The following SLC14A2 variants were observed in gnomAD, a reference collection of about 807,000 sequenced individuals.
SLC14A2 encodes the protein urea transporter 2.
A neutral mutation model predicts 104.6 loss-of-function variants in SLC14A2; 91 were observed. The observed-to-expected ratio is 0.87, with a 90% CI of 0.73 to 1.04. The LOEUF (loss-of-function observed/expected upper bound fraction) is 1.04. Among genes scored for constraint, SLC14A2 ranks in the 50% least tolerant of loss-of-function variants. The pLI is 0.00. For synonymous variants in SLC14A2, 476 were observed against 466.4 expected (o/e 1.02, Z -0.27); for missense variants, 1,189 against 1,156.0 (o/e 1.03, Z -0.41).
intron 1 of SLC14A2, among the ~76,000 whole-genome samples, chr18:45,459,068 T>A (rs144336588): frequency 1.0e-3 from 158 of 152,238 alleles, no homozygotes; most frequent in African/African-American, 3.7e-3. Context: ...GATCCCTGAG[T>A]TTGTCAGTGC....
At chr18:45,544,769 ATATT>A (rs2043944356) in intron 2 of SLC14A2, among the ~76,000 whole-genome samples, 2 of 147,710 alleles carry the variant, frequency 1.4e-5, no homozygotes, top group Admixed American at 6.8e-5. Flanking sequence ...GATTATATAT[ATATT>A]TATCAATAAT....
chr18:45,640,309 G>A (rs1297400284), intron 7 of SLC14A2, among the ~76,000 whole-genome samples: 1 of 151,998 alleles, frequency 6.6e-6, no homozygotes, highest in African/African-American at 2.4e-5. Context: ...AGAGATGCAA[G>A]GGGGTAAGAA....
intron 1 of SLC14A2, among the ~76,000 whole-genome samples, chr18:45,379,081 C>G (rs965536208): frequency 1.3e-5 from 2 of 152,162 alleles, no homozygotes; most frequent in Admixed American, 6.5e-5. Flanking sequence ...TTTACCCAAA[C>G]CCGAACAGTG....
At chr18:45,326,192 A>C (rs1170226719) in intron 1 of SLC14A2, among the ~76,000 whole-genome samples, 1 of 152,228 alleles carries the variant, frequency 6.6e-6, no homozygotes, top group Non-Finnish European at 1.5e-5. Context: ...AGCCAGAAGA[A>C]AAACAGTAAG....
At chr18:45,499,542 G>A (rs544340806) in intron 2 of SLC14A2, among the ~76,000 whole-genome samples, 1 of 152,294 alleles carries the variant, frequency 6.6e-6, no homozygotes, top group South Asian at 2.1e-4. Context: ...ATAAAAATGG[G>A]TATTATAATT....
At chr18:45,514,620 G>A (rs527892035) in intron 2 of SLC14A2, among the ~76,000 whole-genome samples, 2 of 152,276 alleles carry the variant, frequency 1.3e-5, no homozygotes, top group Admixed American at 6.5e-5. Flanking sequence ...GCATCCTAAC[G>A]TAGACCTGAC....
intron 1 of SLC14A2, among the ~76,000 whole-genome samples, chr18:45,246,807 G>A (rs996207728): frequency 3.9e-5 from 6 of 152,168 alleles, no homozygotes; most frequent in East Asian, 3.9e-4. Flanking sequence ...TCAGGAGTTC[G>A]AGACCAGCCT....
intron 1 of SLC14A2, among the ~76,000 whole-genome samples, chr18:45,249,496 CAGAG>C (rs975961495): frequency 6.6e-6 from 1 of 152,086 alleles, no homozygotes; most frequent in Admixed American, 6.6e-5. Flanking sequence ...TAACTGATCT[CAGAG>C]AGGTTGAGTA....
intron 2 of SLC14A2, among the ~76,000 whole-genome samples, chr18:45,593,295 C>A (rs1160927445): frequency 6.7e-6 from 1 of 149,594 alleles, no homozygotes; most frequent in Non-Finnish European, 1.5e-5. Flanking sequence ...CCAGCCTGGG[C>A]GACAGAGCAA....
chr18:45,562,266 C>T (rs1290594253), intron 2 of SLC14A2, among the ~76,000 whole-genome samples: 1 of 152,246 alleles, frequency 6.6e-6, no homozygotes, highest in Non-Finnish European at 1.5e-5. Context: ...AGCTCTAGGA[C>T]AGTGCCCAGT....
At chr18:45,328,830 G>A (rs964586544) in intron 1 of SLC14A2, among the ~76,000 whole-genome samples, 4 of 152,166 alleles carry the variant, frequency 2.6e-5, no homozygotes, top group Non-Finnish European at 4.4e-5. Flanking sequence ...CTTATAATAC[G>A]TTCCAAACCC....
the SLC14A2 span, among the ~76,000 whole-genome samples, chr18:45,183,442 T>G: frequency 3.3e-5 from 5 of 152,272 alleles, no homozygotes; most frequent in South Asian, 1.0e-3. Context: ...CATATAAAGC[T>G]TTTATTTTCT....
At position 45,625,763 on chromosome 18, in the gene SLC14A2, G is replaced by A. The variant is rs781063097; in HGVS notation, c.231G>A (p.Gly77=). 8.3e-6 allele frequency: 13 copies of A among 1,565,086 alleles called. No homozygotes were observed. Among genetic ancestry groups the A allele is most frequent in the Non-Finnish European group, 1.0e-5 (12 of 1,161,154 alleles). ...LNERSKRKDD[G]VAHRDSAGQR... is the part of the protein sequence containing the mutation. ...AAAGGAGTAAAAGGAAAGACGACGG[G>A]GTGGCCCATCGGGACTCAGCAGGCC... The change falls in exon 3 of 20, where the codon GGG becomes GGA. Residue 77 remains glycine, a synonymous_variant. Transcript: ENST00000255226.
chr18:45,676,836 A>C (rs2046236196), intron 18 of SLC14A2, among the ~76,000 whole-genome samples: 1 of 152,132 alleles, frequency 6.6e-6, no homozygotes, highest in African/African-American at 2.4e-5. Flanking sequence ...AAGGAAGCTA[A>C]ATACATTACT....
intron 1 of SLC14A2, among the ~76,000 whole-genome samples, chr18:45,330,704 T>C (rs1010636347): frequency 6.6e-6 from 1 of 152,206 alleles, no homozygotes; most frequent in Non-Finnish European, 1.5e-5. Flanking sequence ...CGCCAGACCC[T>C]TAACACGCTG....
At chr18:45,338,060 T>C (rs2144274637) in intron 1 of SLC14A2, among the ~76,000 whole-genome samples, 1 of 152,332 alleles carries the variant, frequency 6.6e-6, no homozygotes, top group Middle Eastern at 3.4e-3. Flanking sequence ...CTCAAGCATT[T>C]CCTTCTACTG....
At chr18:45,420,912 T>A (rs1598785461) in intron 1 of SLC14A2, among the ~76,000 whole-genome samples, 1 of 152,190 alleles carries the variant, frequency 6.6e-6, no homozygotes, top group South Asian at 2.1e-4. Flanking sequence ...AGCTAACTTT[T>A]GTATTTTTAA....
At chr18:45,205,541 CATT>C in the SLC14A2 span, among the ~76,000 whole-genome samples, 1 of 152,124 alleles carries the variant, frequency 6.6e-6, no homozygotes, top group Non-Finnish European at 1.5e-5. Flanking sequence ...GGGAAAAGGT[CATT>C]GTTGTTGTGG....
chr18:45,207,792 A>AT, the SLC14A2 span, among the ~76,000 whole-genome samples: 1,215 of 145,776 alleles, frequency 8.3e-3, 7 homozygotes, highest in South Asian at 0.012. Flanking sequence ...CTAGTATTGC[A>AT]TTTTTTTTAA....
Sources: allele counts gnomAD v4.1 joint callset (sites outside exome capture counted in the v4.1 genomes callset), GRCh38; gene constraint gnomAD v4.1.1; transcripts MANE v1.5; gene names NCBI Gene and HGNC (gene_info 2026-07-23, HGNC 2026-07-21).